Variants in RGS7 observed in about 807,000 individuals in gnomAD.
RGS7 encodes the protein regulator of G-protein signaling 7.
In RGS7, 27 loss-of-function variants were observed where a neutral mutation model predicts 81.1. The observed-to-expected ratio is 0.33, with a 90% CI of 0.25 to 0.46. The LOEUF (loss-of-function observed/expected upper bound fraction) is 0.46. Ranked by LOEUF, RGS7 falls within the 20% of genes least tolerant of loss-of-function variation. RGS7 has a pLI of 1.00. For synonymous variants in RGS7, 208 were observed against 207.7 expected, an observed-to-expected ratio of 1.00 and a Z score of -0.01; for missense variants, 396 against 607.4, an observed-to-expected ratio of 0.65 and a Z score of 3.66.
intron 2 of RGS7, among the ~76,000 whole-genome samples, chr1:241,242,304 GA>G (rs2076297658): frequency 1.0e-5 from 1 of 97,852 alleles, no homozygotes; most frequent in Non-Finnish European, 2.2e-5. Flanking sequence ...TTCTATGGAT[GA>G]GTAGATAGAT....
chr1:241,316,503 T>C (rs1156851888), intron 2 of RGS7, among the ~76,000 whole-genome samples: 1 of 152,162 alleles, frequency 6.6e-6, no homozygotes, highest in African/African-American at 2.4e-5. Context: ...CTTTGGAGAT[T>C]CCCGGATTTG....
chr1:241,257,447 T>C (rs1351685543), intron 2 of RGS7, among the ~76,000 whole-genome samples: 1 of 152,190 alleles, frequency 6.6e-6, no homozygotes, highest in African/African-American at 2.4e-5. Flanking sequence ...CACTGTCTCC[T>C]AACAGACACT....
chr1:241,355,639 G>A (rs2083514474), intron 2 of RGS7, 60 bp downstream of exon 2: 1 of 1,463,444 alleles, frequency 6.8e-7, no homozygotes. Context: ...ATCTAGAGGG[G>A]GAAAAAAATC....
At chr1:241,259,667 A>AAAAAAAAAAAAAAAAAAAAAAATATAT in intron 2 of RGS7, among the ~76,000 whole-genome samples, 1 of 49,144 alleles carries the variant, frequency 2.0e-5, no homozygotes, top group African/African-American at 8.0e-5. Context: ...AAAAAAAAAA[A>AAAAAAAAAAAAAAAAAAAAAAATATAT]ATATATATAT....
intron 2 of RGS7, among the ~76,000 whole-genome samples, chr1:241,310,617 C>A (rs1300025248): frequency 4.0e-5 from 6 of 149,424 alleles, no homozygotes; most frequent in African/African-American, 1.5e-4. Flanking sequence ...AAATCCAGAA[C>A]AATATGATGG....
chr1:241,284,394 T>C (rs2078684879), intron 2 of RGS7, among the ~76,000 whole-genome samples: 1 of 150,914 alleles, frequency 6.6e-6, no homozygotes. Flanking sequence ...GGGGGGAGTG[T>C]TTGGCAGGGG....
chr1:240,972,487 A>G (rs7418060), intron 4 of RGS7, among the ~76,000 whole-genome samples: 45,667 of 120,224 alleles, frequency 0.38, 8,571 homozygotes, highest in East Asian at 0.59. Context: ...ATAGGTGGGA[A>G]TTGAACAATG....
chr1:240,786,576 A>G (rs562949771), intron 18 of RGS7, among the ~76,000 whole-genome samples: 33 of 152,208 alleles, frequency 2.2e-4, no homozygotes, highest in African/African-American at 7.2e-4. Context: ...ACACAAATAC[A>G]GTTTATACAG....
At chr1:241,010,292 T>C (rs896729829) in intron 3 of RGS7, among the ~76,000 whole-genome samples, 1 of 152,260 alleles carries the variant, frequency 6.6e-6, no homozygotes, top group Non-Finnish European at 1.5e-5. Flanking sequence ...CTGATCATGG[T>C]ACCAGTCCAC....
intron 2 of RGS7, among the ~76,000 whole-genome samples, chr1:241,316,256 TG>T (rs1394158690): frequency 6.6e-6 from 1 of 152,138 alleles, no homozygotes; most frequent in Non-Finnish European, 1.5e-5. Context: ...ACCCAGGTTT[TG>T]GGGGTTTGGG....
chr1:241,188,525 AT>A (rs2072329624), intron 2 of RGS7, among the ~76,000 whole-genome samples: 1 of 152,042 alleles, frequency 6.6e-6, no homozygotes, highest in African/African-American at 2.4e-5. Flanking sequence ...GAAAAAATAT[AT>A]TTTTTTCTTT....
chr1:241,259,447 TAGTTCGAGACCAGC>T (rs2077200632), intron 2 of RGS7, among the ~76,000 whole-genome samples: 1 of 150,946 alleles, frequency 6.6e-6, no homozygotes, highest in African/African-American at 2.4e-5. Context: ...CTGAGATCGG[TAGTTCGAGACCAGC>T]CTGACCAACA....
intron 6 of RGS7, among the ~76,000 whole-genome samples, chr1:240,882,776 T>C (rs1666623561): frequency 6.6e-6 from 1 of 152,188 alleles, no homozygotes; most frequent in Admixed American, 6.5e-5. Context: ...GGTTTACTGA[T>C]TGAATTCAGC....
rs1327146306 is a variant in RGS7 at position 241,144,944 on chromosome 1, T to G, written c.79-46182A>C. On this transcript the variant is annotated intron_variant, in intron 2 of 18. Coordinates refer to ENST00000440928, the MANE Select transcript of RGS7 (RefSeq NM_001364886.1). This position sits in a 1 kb window ranked among gnomAD's most constrained non-coding sequence, Gnocchi z 4.7. The stretch of plus-strand genomic sequence containing the variant: ...GCAGGATGGTGTGTGTGTGTGTGTG[T>G]GTGTGTGTGTGTGTGTGTGTTCGTG... Among the ~76,000 whole-genome samples the G allele has an allele frequency of 6.6e-6, 1 of 151,178 alleles. No individual in the cohort carries two copies. Among genetic ancestry groups the G allele is most frequent in the Non-Finnish European group, 1.5e-5 (1 of 67,840 alleles).
At chr1:241,073,028 C>G (rs1025810407) in intron 3 of RGS7, among the ~76,000 whole-genome samples, 1 of 152,122 alleles carries the variant, frequency 6.6e-6, no homozygotes, top group Non-Finnish European at 1.5e-5. Context: ...CAGCCCTGTT[C>G]CTCAATCTCA....
chr1:241,255,068 G>C (rs2077000008), intron 2 of RGS7, among the ~76,000 whole-genome samples: 1 of 152,104 alleles, frequency 6.6e-6, no homozygotes, highest in African/African-American at 2.4e-5. Context: ...TCAGAAACTA[G>C]CTTGCTAAAG....
chr1:241,307,137 CTT>C (rs1184139992), intron 2 of RGS7, among the ~76,000 whole-genome samples: 4 of 152,146 alleles, frequency 2.6e-5, no homozygotes, highest in Non-Finnish European at 5.9e-5. Context: ...ACAAAATGCT[CTT>C]GTTCCCGCCC....
At chr1:241,102,748 C>G (rs898285815) in intron 2 of RGS7, among the ~76,000 whole-genome samples, 4 of 152,050 alleles carry the variant, frequency 2.6e-5, no homozygotes, top group Non-Finnish European at 2.9e-5. Flanking sequence ...GGAAAAACAG[C>G]CAAACAGGCA....
chr1:241,111,985 G>C (rs2065543568), intron 2 of RGS7, among the ~76,000 whole-genome samples: 1 of 152,136 alleles, frequency 6.6e-6, no homozygotes, highest in Admixed American at 6.5e-5. Flanking sequence ...GGCTGGTACA[G>C]GACTAGTGGC....
Sources: gnomAD v4.1 joint callset for allele counts (sites outside exome capture counted in the v4.1 genomes callset) on GRCh38, gnomAD v4.1.1 for gene constraint, Gnocchi (gnomAD v3.1) non-coding constraint, MANE v1.5 for transcripts, NCBI Gene and HGNC (gene_info 2026-07-23, HGNC 2026-07-21) for gene names.